The following IL1RAPL2 variants were observed in gnomAD, a reference collection of about 807,000 sequenced individuals.
The protein encoded by IL1RAPL2 is X-linked interleukin-1 receptor accessory protein-like 2.
IL1RAPL2 carries 3 observed loss-of-function variants against 44.1 expected under a neutral mutation model. That is an observed-to-expected ratio of 0.07 (90% CI 0.03 to 0.18). The LOEUF (loss-of-function observed/expected upper bound fraction) is 0.18. Among genes scored for constraint, IL1RAPL2 ranks in the 10% least tolerant of loss-of-function variants. The pLI is 1.00. For missense variants in IL1RAPL2, 391 were observed against 496.4 expected, an observed-to-expected ratio of 0.79 and a Z score of 2.02; for synonymous variants, 181 against 178.8, an observed-to-expected ratio of 1.01 and a Z score of -0.10.
intron 6 of IL1RAPL2, among the ~76,000 whole-genome samples, chrX:105,553,988 A>G (rs1293522235): frequency 8.8e-6 from 1 of 113,034 alleles, no homozygotes; most frequent in Non-Finnish European, 1.9e-5. Flanking sequence ...AGCCTAAGAT[A>G]CCACAGTCAT....
At chrX:105,637,143 TAGA>T (rs2037529934) in intron 6 of IL1RAPL2, among the ~76,000 whole-genome samples, 1 of 111,295 alleles carries the variant, frequency 9.0e-6, no homozygotes, top group African/African-American at 3.3e-5. Context: ...GGAGAGGAGC[TAGA>T]AGAAGGAAGG....
At chrX:105,644,113 G>T (rs751595783) in intron 6 of IL1RAPL2, among the ~76,000 whole-genome samples, 2 of 111,073 alleles carry the variant, frequency 1.8e-5, no homozygotes, top group Non-Finnish European at 3.8e-5. Context: ...GGATGGTCTC[G>T]ATCTCCTGAC....
chrX:105,276,034 A>G (rs1325937472), intron 5 of IL1RAPL2, among the ~76,000 whole-genome samples: 9 of 112,370 alleles, frequency 8.0e-5, no homozygotes, highest in Admixed American at 7.5e-4. Context: ...GTCTTTTGGA[A>G]TAACTATTTC....
chrX:105,519,918 A>G (rs1419451017), intron 6 of IL1RAPL2, among the ~76,000 whole-genome samples: 1 of 111,816 alleles, frequency 8.9e-6, no homozygotes, highest in Non-Finnish European at 1.9e-5. Context: ...AAAACTCTGC[A>G]TTCTATTTTG....
intron 5 of IL1RAPL2, among the ~76,000 whole-genome samples, chrX:105,373,033 C>T (rs148312937): frequency 0.022 from 2,495 of 112,476 alleles, 76 homozygotes; most frequent in African/African-American, 0.077. Context: ...GGTATATACC[C>T]AGTAATGGGA....
At chrX:105,249,836 C>A in intron 4 of IL1RAPL2, among the ~76,000 whole-genome samples, 1 of 111,568 alleles carries the variant, frequency 9.0e-6, no homozygotes. Flanking sequence ...TAACATCCAA[C>A]AACTGTGCTT....
intron 2 of IL1RAPL2, among the ~76,000 whole-genome samples, chrX:105,021,563 C>T (rs2031282654): frequency 1.8e-5 from 2 of 111,447 alleles, no homozygotes; most frequent in African/African-American, 3.3e-5. Context: ...CTGACAACAT[C>T]TCTGCCCTGA....
intron 2 of IL1RAPL2, among the ~76,000 whole-genome samples, chrX:105,177,504 A>G (rs768480422): frequency 2.7e-5 from 3 of 111,097 alleles, no homozygotes; most frequent in African/African-American, 9.8e-5. Context: ...CCCTAGAAAA[A>G]TCGTCTTCCA....
intron 2 of IL1RAPL2, among the ~76,000 whole-genome samples, chrX:104,710,366 C>T (rs1931436803): frequency 9.0e-6 from 1 of 111,321 alleles, no homozygotes; most frequent in African/African-American, 3.3e-5. Flanking sequence ...AAGTCAGATG[C>T]AGATGTAGAA....
At chrX:105,207,947 A>T (rs2033778186) in intron 3 of IL1RAPL2, among the ~76,000 whole-genome samples, 1 of 112,045 alleles carries the variant, frequency 8.9e-6, no homozygotes, top group South Asian at 3.7e-4. Context: ...AGTACAGTAA[A>T]AAGTAGGAAA....
chrX:105,200,970 C>A (rs1363604423), intron 3 of IL1RAPL2, among the ~76,000 whole-genome samples: 1 of 110,964 alleles, frequency 9.0e-6, no homozygotes, highest in African/African-American at 3.3e-5. Context: ...TCTGTAAAAA[C>A]CTAACATTTA....
chrX:105,377,370 C>CTG (rs750610467), intron 5 of IL1RAPL2, among the ~76,000 whole-genome samples: 3,394 of 99,107 alleles, frequency 0.034, 62 homozygotes, highest in African/African-American at 0.056. Flanking sequence ...GTGTGTGTGT[C>CTG]TGTGTGTGTG....
chrX:104,885,564 A>C (rs1923211490), intron 2 of IL1RAPL2, among the ~76,000 whole-genome samples: 1 of 111,843 alleles, frequency 8.9e-6, no homozygotes, highest in Admixed American at 9.5e-5. Flanking sequence ...AAAGCTCCAA[A>C]AGCAAGCCCT....
At chrX:105,748,891 T>C (rs2038572521) in intron 8 of IL1RAPL2, 69 bp from the exon 9 acceptor site, 4 of 1,066,969 alleles carry the variant, frequency 3.7e-6, no homozygotes, top group Non-Finnish European at 5.1e-6. Context: ...TCTTATATAC[T>C]AGAAATATGG....
chrX:104,677,232 A>C (rs909315339), intron 2 of IL1RAPL2, among the ~76,000 whole-genome samples: 1 of 111,113 alleles, frequency 9.0e-6, no homozygotes, highest in Non-Finnish European at 1.9e-5. Context: ...GTGGTTTTAT[A>C]TACTTTTGAT....
chrX:105,011,720 C>A (rs1253021062), intron 2 of IL1RAPL2, among the ~76,000 whole-genome samples: 1 of 110,967 alleles, frequency 9.0e-6, no homozygotes, highest in African/African-American at 3.3e-5. Context: ...AGTTGATGGG[C>A]ATGTGGGTTT....
At chrX:104,837,767 A>G (rs1416309468) in intron 2 of IL1RAPL2, among the ~76,000 whole-genome samples, 4 of 111,384 alleles carry the variant, frequency 3.6e-5, no homozygotes, top group Non-Finnish European at 7.5e-5. Context: ...TTTTGTTGCC[A>G]TTGCTTTTGG....
At chrX:105,196,448 C>G (rs995503194) in intron 3 of IL1RAPL2, among the ~76,000 whole-genome samples, 9 of 111,253 alleles carry the variant, frequency 8.1e-5, no homozygotes, top group South Asian at 3.8e-4. Context: ...TGGCCATGGT[C>G]TTGCCTTTCT....
intron 2 of IL1RAPL2, among the ~76,000 whole-genome samples, chrX:105,030,096 T>G (rs748425963): frequency 7.0e-4 from 78 of 110,856 alleles, no homozygotes; most frequent in African/African-American, 2.4e-3. Context: ...TTTTGATGGG[T>G]TTGTTTTTTT....
Sources: gnomAD v4.1 joint callset for allele counts (sites outside exome capture counted in the v4.1 genomes callset) on GRCh38, gnomAD v4.1.1 for gene constraint, MANE v1.5 for transcripts, NCBI Gene and HGNC (gene_info 2026-07-23, HGNC 2026-07-21) for gene names.